The following SLC5A3 variants were observed in gnomAD, a reference collection of about 807,000 sequenced individuals.
SLC5A3 encodes the protein sodium/myo-inositol cotransporter.
A neutral mutation model predicts 43.2 loss-of-function variants in SLC5A3; 10 were observed. The ratio of observed to expected loss-of-function variants is 0.23; its 90% CI spans 0.14 to 0.39. SLC5A3 has a LOEUF of 0.39. SLC5A3 is among the 10% of genes least tolerant of loss of function. The pLI is 1.00. For missense variants in SLC5A3, 608 were observed against 893.4 expected, an observed-to-expected ratio of 0.68 and a Z score of 4.07; for synonymous variants, 349 against 322.0, an observed-to-expected ratio of 1.08 and a Z score of -0.90.
intron 1 of SLC5A3, among the ~76,000 whole-genome samples, chr21:34,085,462 A>G (rs1978329632): frequency 6.6e-6 from 1 of 152,206 alleles, no homozygotes; most frequent in Admixed American, 6.5e-5. Context: ...CAAACTTGAG[A>G]CTGAATATTT....
chr21:34,097,388 C>A lies in SLC5A3; in HGVS notation c.*33C>A. On this transcript the variant is annotated 3_prime_UTR_variant, in exon 2 of 2. Transcript: ENST00000381151. ...GATATGGTGAGACACTAACTTAAGA[C>A]AATACTGACTGGTCTTTGGGGAAAA... 1 of 1,538,160 alleles carries A rather than the reference C, an allele frequency of 6.5e-7. No individual in the cohort carries two copies. The highest frequency in any genetic ancestry group is 2.1e-5 in the Admixed American group (1 of 48,724).
At chr21:34,086,494 T>A (rs1445598682) in intron 1 of SLC5A3, among the ~76,000 whole-genome samples, 3 of 145,692 alleles carry the variant, frequency 2.1e-5, no homozygotes, top group Non-Finnish European at 4.5e-5. Context: ...TTTATCTGAC[T>A]TGTGTTTATT....
chr21:34,079,116 C>A (rs1011270914), intron 1 of SLC5A3, among the ~76,000 whole-genome samples: 1 of 152,158 alleles, frequency 6.6e-6, no homozygotes, highest in Non-Finnish European at 1.5e-5. Context: ...CTGTGGCTTC[C>A]GGGCCAGATC....
At chr21:34,094,065 G>A (rs1486497895) in intron 1 of SLC5A3, among the ~76,000 whole-genome samples, 2 of 152,074 alleles carry the variant, frequency 1.3e-5, no homozygotes, top group Non-Finnish European at 2.9e-5. Flanking sequence ...AGGTTGTTTT[G>A]GAAATACTGC....
At chr21:34,079,205 A>G (rs1014640471) in intron 1 of SLC5A3, among the ~76,000 whole-genome samples, 4 of 152,206 alleles carry the variant, frequency 2.6e-5, no homozygotes, top group Non-Finnish European at 5.9e-5. Flanking sequence ...AAAAACAGCA[A>G]TACTTTATGG....
rs552094834 is a variant in SLC5A3 at position 34,104,805 on chromosome 21, C to T, written c.*7450C>T. ...AAGCTGTTATAACCTGTTAATCCTA[C>T]GTACTATGTGTTCTGTACCTTTACA... On this transcript the variant is annotated 3_prime_UTR_variant, in exon 2 of 2. Transcript: ENST00000381151. The T allele has an allele frequency of 7.0e-6, 7 of 999,996 alleles. No homozygotes were observed. Among genetic ancestry groups the T allele is most frequent in the Middle Eastern group, 5.2e-4 (1 of 1,916 alleles). The allele number at this position is 999,996 out of a possible 1,614,324, so 61.9% of individuals were successfully genotyped here.
Position 34,095,824 on chromosome 21 carries a change from G to A in SLC5A3, c.626G>A (p.Gly209Glu). 4.3e-6 allele frequency: 7 copies of A among 1,613,976 alleles called. No individual in the cohort carries two copies. Among genetic ancestry groups the A allele is most frequent in the Non-Finnish European group, 5.9e-6 (7 of 1,179,974 alleles). ...LMIISIMEIGGFEEVKRRYML... is the reference protein window; with the variant it reads ...LMIISIMEIGEFEEVKRRYML... ...ATTATTAGCATAATGGAGATTGGCG[G>A]GTTTGAGGAAGTTAAGAGAAGGTAC... Residue 209 changes from glycine to glutamate, a missense_variant, in exon 2 of 2, where the codon GGG becomes GAG. Physicochemically the swap from Gly to Glu is moderately conservative, Grantham distance 98 (BLOSUM62 -2). This residue lies in a region of SLC5A3 where 398 missense variants were observed against 668.6 expected (regional missense o/e 0.60). Transcript: ENST00000381151.
chr21:34,075,226 C>T (rs764977741), intron 1 of SLC5A3, among the ~76,000 whole-genome samples: 4 of 152,152 alleles, frequency 2.6e-5, no homozygotes, highest in Non-Finnish European at 5.9e-5. Context: ...TGTTTACTTT[C>T]CTTGTCTTGG....
At chr21:34,080,374 T>TC (rs1423835500) in intron 1 of SLC5A3, among the ~76,000 whole-genome samples, 2 of 152,328 alleles carry the variant, frequency 1.3e-5, no homozygotes, top group African/African-American at 4.8e-5. Context: ...TCAGTTTTTT[T>TC]CCACATTTTA....
chr21:34,092,036 A>C (rs16991190), intron 1 of SLC5A3, among the ~76,000 whole-genome samples: 1,753 of 152,224 alleles, frequency 0.012, 38 homozygotes, highest in South Asian at 0.08. Flanking sequence ...AGATTCTTCC[A>C]TGTGTATTCT....
chr21:34,074,207 C>A (rs1602894727), intron 1 of SLC5A3, among the ~76,000 whole-genome samples: 1 of 150,574 alleles, frequency 6.6e-6, no homozygotes, highest in Non-Finnish European at 1.5e-5. Context: ...CGCCGGCTGC[C>A]GCCGACCGCC....
At chr21:34,089,131 G>A (rs1978552357) in intron 1 of SLC5A3, among the ~76,000 whole-genome samples, 1 of 151,952 alleles carries the variant, frequency 6.6e-6, no homozygotes, top group Admixed American at 6.6e-5. Context: ...GGGTTCAAGC[G>A]ATCCTCTTGC....
chr21:34,079,602 A>ATT (rs398036389), intron 1 of SLC5A3, among the ~76,000 whole-genome samples: 731 of 43,654 alleles, frequency 0.017, 60 homozygotes, highest in African/African-American at 0.055. Flanking sequence ...GACCCAGCTA[A>ATT]TTTTTTTTTT....
chr21:34,095,849 C>T lies in SLC5A3; in HGVS notation c.651C>T (p.Tyr217=), dbSNP rs981907549. 6.2e-7 allele frequency: 1 copy of T among 1,614,086 alleles called. No homozygotes were observed. Among genetic ancestry groups the T allele is most frequent in the South Asian group, 1.1e-5 (1 of 91,080 alleles). The change falls in exon 2 of 2, where the codon TAC becomes TAT. Residue 217 remains tyrosine (Y), a synonymous_variant. Coordinates refer to ENST00000381151, the MANE Select transcript of SLC5A3 (RefSeq NM_006933.7). ...IGGFEEVKRR[Y]MLASPDVTSI... The stretch of plus-strand genomic sequence containing the variant: ...GGTTTGAGGAAGTTAAGAGAAGGTA[C>T]ATGTTGGCCTCACCCGATGTCACTT...
chr21:34,095,506 G>A lies in SLC5A3; in HGVS notation c.308G>A (p.Arg103Gln), dbSNP rs758176208. Residue 103 changes from arginine (R) to glutamine (Q), a missense_variant, in exon 2 of 2, where the codon CGG (arginine) becomes CAG (glutamine). Physicochemically the swap from Arg to Gln is conservative, Grantham distance 43. Coordinates refer to ENST00000381151, the MANE Select transcript of SLC5A3 (RefSeq NM_006933.7). ...LGWVFIPIYI[R>Q]SGVYTMPEYL... Reference sequence around the variant, plus strand: ...TGGGTTTTCATCCCAATTTACATCCGGTCAGGGGTATATACCATGCCTGAA... The same window carrying A: ...TGGGTTTTCATCCCAATTTACATCCAGTCAGGGGTATATACCATGCCTGAA... 2.5e-6 allele frequency: 4 copies of A among 1,613,812 alleles called. No individual in the cohort carries two copies. The South Asian group carries it at 3.3e-5, about 13-fold the overall frequency.
chr21:34,104,275 T>G lies in SLC5A3; in HGVS notation c.*6920T>G. ...GGAGAGGATTCTTTCACTTGTCCCATTAACCCTCTTCTAGTCTAGATGAGA... is the reference window on the plus strand; with the variant it reads ...GGAGAGGATTCTTTCACTTGTCCCAGTAACCCTCTTCTAGTCTAGATGAGA... On this transcript the variant is annotated 3_prime_UTR_variant, in exon 2 of 2. Coordinates refer to ENST00000381151, the MANE Select transcript of SLC5A3 (RefSeq NM_006933.7). 1.0e-6 allele frequency: 1 copy of G among 1,000,202 alleles called. No homozygotes were observed. The highest frequency in any genetic ancestry group is 1.2e-6 in the Non-Finnish European group (1 of 829,956). 62.0% of individuals were successfully genotyped at this position (1,000,202 alleles called of 1,614,324 possible).
At chr21:34,074,688 C>T (rs757914091) in intron 1 of SLC5A3, among the ~76,000 whole-genome samples, 6 of 152,146 alleles carry the variant, frequency 3.9e-5, no homozygotes, top group Non-Finnish European at 7.3e-5. Context: ...TTTTTCTCCA[C>T]CAGGTGTAAT....
rs1979230895 is a variant in SLC5A3, at chr21:34,101,393, G to A, written c.*4038G>A. On this transcript the variant is annotated 3_prime_UTR_variant, in exon 2 of 2. Transcript: ENST00000381151. ...TTGTTACCACAGTAGAGATAATTTA[G>A]TAGAAAAATGCTTTGAGGCTTCAGT... The A allele has an allele frequency of 3.0e-6, 3 of 1,000,046 alleles. No individual in the cohort carries two copies. In the South Asian group the frequency reaches 1.4e-4, roughly 47 times the overall value. 61.9% of individuals were successfully genotyped at this position (1,000,046 alleles called of 1,614,324 possible).
rs575125699 is a variant in SLC5A3, at chr21:34,105,922, A to G, written c.*8567A>G. 1,319 of 988,232 alleles carry G rather than the reference A, an allele frequency of 1.3e-3. 1 individual carries two copies. Among genetic ancestry groups the G allele is most frequent in the Non-Finnish European group, 1.6e-3 (1,277 of 819,148 alleles). 61.2% of individuals were successfully genotyped at this position (988,232 alleles called of 1,614,324 possible). The stretch of plus-strand genomic sequence containing the variant: ...AATTCTAACTTGTCTATTCTAACCT[A>G]TTGTGTACAATCTGATTTTTTAAAA... On this transcript the variant is annotated 3_prime_UTR_variant, in exon 2 of 2. Transcript: ENST00000381151.
Sources: allele counts gnomAD v4.1 joint callset (sites outside exome capture counted in the v4.1 genomes callset), GRCh38; gene constraint gnomAD v4.1.1; regional missense constraint gnomAD v4.1.1; transcripts MANE v1.5; gene names NCBI Gene and HGNC (gene_info 2026-07-23, HGNC 2026-07-21).